EP400: variants seen among roughly 807,000 people sequenced by gnomAD.
The protein encoded by EP400 is E1A-binding protein p400.
Under a neutral mutation model 354.1 loss-of-function variants are expected in EP400, and 105 were observed. The observed-to-expected ratio is 0.30, with a 90% CI of 0.25 to 0.35. The LOEUF is 0.35. Among genes scored for constraint, EP400 ranks in the 10% least tolerant of loss-of-function variants. The pLI is 1.00. For synonymous variants in EP400, 1,646 were observed against 1,716.9 expected, an observed-to-expected ratio of 0.96 and a Z score of 1.02; for missense variants, 3,280 against 4,121.0, an observed-to-expected ratio of 0.80 and a Z score of 5.59.
intron 35 of EP400, 22 bp from the exon 36 acceptor site, chr12:132,044,649 G>A: frequency 1.9e-6 from 3 of 1,614,130 alleles, no homozygotes; most frequent in Non-Finnish European, 2.5e-6. Context: ...GTGGAAGTCA[G>A]AGCTTGCCGT....
In EP400 at chr12:132,029,659, T is replaced by C; in HGVS notation, c.5382-42T>C. 6.3e-7 allele frequency: 1 copy of C among 1,594,418 alleles called. No homozygotes were observed. Among genetic ancestry groups the C allele is most frequent in the South Asian group, 1.1e-5 (1 of 90,166 alleles). On this transcript the variant is annotated intron_variant, in intron 27 of 52. Coordinates refer to ENST00000389561, the MANE Select transcript of EP400 (RefSeq NM_015409.5). This position sits in a 1 kb window ranked among gnomAD's most constrained non-coding sequence, Gnocchi z 4.7. ...GGAGCCCCCATGCTGGGTGAAGGTG[T>C]GTGGCTCCTGGTGGTGACAAAACAT...
At position 132,052,746 on chromosome 12, in the gene EP400, C is replaced by T. The variant is rs570965711; in HGVS notation, c.7395-400C>T. Among the ~76,000 whole-genome samples, 60 of 152,098 alleles carry T rather than the reference C, an allele frequency of 3.9e-4. No individual in the cohort carries two copies. Among genetic ancestry groups the T allele is most frequent in the African/African-American group, 1.4e-3 (57 of 41,528 alleles). On this transcript the variant is annotated intron_variant, in intron 41 of 52. Coordinates refer to ENST00000389561, the MANE Select transcript of EP400 (RefSeq NM_015409.5). The surrounding 1 kb of genome is among the most constrained non-coding windows in gnomAD (Gnocchi z 4.4). Reference sequence around the variant, plus strand: ...TGGAGCCTGGGCATTCTCGGGGGAGCGAGAGAGGCACAGTCCCGCCCTCCC... The same window carrying T: ...TGGAGCCTGGGCATTCTCGGGGGAGTGAGAGAGGCACAGTCCCGCCCTCCC...
intron 5 of EP400, among the ~76,000 whole-genome samples, chr12:131,985,669 G>A (rs1002351889): frequency 6.6e-6 from 1 of 152,190 alleles, no homozygotes; most frequent in Admixed American, 6.5e-5. Flanking sequence ...GTAGAATGGC[G>A]CAATCTCAGC....
At position 132,013,206 on chromosome 12, in the gene EP400, G is replaced by A; in HGVS notation, c.3611+28G>A. ...CTGTGTGTTACGCGCTTGTCATTGA[G>A]TGTTCTTTGCTGTTGATGTAGAAGA... On this transcript the variant is annotated intron_variant, in intron 17 of 52. Transcript: ENST00000389561. The surrounding 1 kb of genome is among the most constrained non-coding windows in gnomAD (Gnocchi z 4.5). 6.3e-7 allele frequency: 1 copy of A among 1,586,446 alleles called. No homozygotes were observed. The highest frequency in any genetic ancestry group is 8.6e-7 in the Non-Finnish European group (1 of 1,162,104).
chr12:132,031,120 G>A (rs570821580), intron 29 of EP400: 15 of 435,572 alleles, frequency 3.4e-5, no homozygotes, highest in African/African-American at 1.6e-4. Flanking sequence ...ATTAGGTTTC[G>A]TTTCTGGCAC....
chr12:131,991,733 A>G (rs1893041773), intron 10 of EP400, among the ~76,000 whole-genome samples: 1 of 151,406 alleles, frequency 6.6e-6, no homozygotes, highest in African/African-American at 2.4e-5. Context: ...GGCGCACGCC[A>G]CCACACCTGG....
At chr12:132,043,588 A>G in intron 33 of EP400, 57 bp from the exon 34 acceptor site, 1 of 1,580,756 alleles carries the variant, frequency 6.3e-7, no homozygotes, top group Admixed American at 1.9e-5. Flanking sequence ...TGTATAAGGA[A>G]CTTGACTTTT....
At chr12:132,002,369 C>T (rs905136109) in intron 12 of EP400, among the ~76,000 whole-genome samples, 1 of 152,162 alleles carries the variant, frequency 6.6e-6, no homozygotes, top group Non-Finnish European at 1.5e-5. Flanking sequence ...TTCCTCTTCT[C>T]TGTTAGCTTT....
chr12:132,031,172 C>T, intron 29 of EP400: 1 of 486,924 alleles, frequency 2.1e-6, no homozygotes, highest in East Asian at 5.6e-5. Flanking sequence ...CATCTCCCTT[C>T]ATGGTCAACA....
Position 131,981,497 on chromosome 12 carries a change from A to G in EP400, c.1444A>G (p.Lys482Glu). 1 of 1,575,698 alleles carries G rather than the reference A, an allele frequency of 6.3e-7. No homozygotes were observed. The highest frequency in any genetic ancestry group is 8.6e-7 in the Non-Finnish European group (1 of 1,159,782). ...MPSTGMAEQSKRPRLEVGHQG... is the reference protein window; with the variant it reads ...MPSTGMAEQSERPRLEVGHQG... The stretch of plus-strand genomic sequence containing the variant: ...TTTGAAAATTATTCTAGAGCAGTCT[A>G]AGAGGCCTCGCCTTGAAGTGGGTCA... The change falls in exon 4 of 53, where the codon AAG becomes GAG. Residue 482 changes from lysine to glutamate, a missense_variant. Around this residue, in one of 20 missense-constraint regions of EP400, gnomAD observed 800 missense variants for 840.0 expected, o/e 0.95. Coordinates refer to ENST00000389561, the MANE Select transcript of EP400 (RefSeq NM_015409.5).
At position 132,034,902 on chromosome 12, in the gene EP400, CA is replaced by C. The variant is rs370736683; in HGVS notation, c.5951+2754del. ...GCCTGACCCACACAGACCCCAAAGT[CA>C]GGGGAGACAGGCACACAGCTGCAGT... On this transcript the variant is annotated intron_variant, in intron 30 of 52. Transcript: ENST00000389561. Among the ~76,000 whole-genome samples the C allele has an allele frequency of 5.6e-4, 86 of 152,240 alleles. 2 individuals carry two copies. The South Asian group carries it at 0.017, about 30-fold the overall frequency.
In EP400 at chr12:132,013,064, TC is replaced by T; in HGVS notation, c.3499del (p.Arg1167GlyfsTer22). 6.2e-7 allele frequency: 1 copy of T among 1,614,054 alleles called. No homozygotes were observed. Among genetic ancestry groups the T allele is most frequent in the Non-Finnish European group, 8.5e-7 (1 of 1,180,028 alleles). ...HVCITSYTQF[F>X]RGLTAFTRVR... ...TGCATCACGTCCTACACTCAGTTCT[TC>T]CGGGGCCTCACCGCCTTCACACGAG... On this transcript the variant is annotated frameshift_variant, in exon 17 of 53. Coordinates refer to ENST00000389561, the MANE Select transcript of EP400 (RefSeq NM_015409.5). LOFTEE classifies it high-confidence loss of function. This position sits in a 1 kb window ranked among gnomAD's most constrained non-coding sequence, Gnocchi z 4.5.
rs752450089 is a variant in EP400 at position 131,969,558 on chromosome 12, G to A, written c.1335+7604G>A. 4.6e-5 allele frequency among the ~76,000 whole-genome samples: 7 copies of A among 152,178 alleles called. No individual in the cohort carries two copies. In the East Asian group the frequency reaches 9.7e-4, roughly 21 times the overall value. ...TTCAAGCTGGCTGTAGTATACTTCC[G>A]ACATACCTCTCTTACTTCCGGAGGA... On this transcript the variant is annotated intron_variant, in intron 2 of 52. Transcript: ENST00000389561.
At chr12:132,071,839 A>G (rs1469802806) in intron 51 of EP400, among the ~76,000 whole-genome samples, 1 of 151,916 alleles carries the variant, frequency 6.6e-6, no homozygotes, top group Non-Finnish European at 1.5e-5. Flanking sequence ...CTGTATTATC[A>G]CCTTCAACAA....
chr12:132,079,430 C>T lies in EP400; in HGVS notation c.*1757C>T, dbSNP rs1245017357. The T allele has an allele frequency of 6.6e-6, 1 of 152,280 alleles. No individual in the cohort carries two copies. Among genetic ancestry groups the T allele is most frequent in the Non-Finnish European group, 1.5e-5 (1 of 68,050 alleles). The allele number at this position is 152,280 out of a possible 1,614,324, so 9.4% of individuals were successfully genotyped here. Reference sequence around the variant, plus strand: ...CTGTGTGCGCCTCACATCTGGCTCCCAGTGGAAACTTTTACTCCTCCTCAT... The same window carrying T: ...CTGTGTGCGCCTCACATCTGGCTCCTAGTGGAAACTTTTACTCCTCCTCAT... On this transcript the variant is annotated 3_prime_UTR_variant, in exon 53 of 53. Coordinates refer to ENST00000389561, the MANE Select transcript of EP400 (RefSeq NM_015409.5).
chr12:132,045,591 C>T, intron 38 of EP400, 31 bp downstream of exon 38: 1 of 1,610,320 alleles, frequency 6.2e-7, no homozygotes, highest in Non-Finnish European at 8.5e-7. Flanking sequence ...TGCCAGCGGT[C>T]ATGTGCGGTC....
At chr12:132,049,950 C>T (rs1057221057) in intron 39 of EP400, among the ~76,000 whole-genome samples, 6 of 152,198 alleles carry the variant, frequency 3.9e-5, no homozygotes, top group South Asian at 4.1e-4. Flanking sequence ...CGTGGCAGTC[C>T]GCGCTGCCCC....
Position 131,994,899 on chromosome 12 carries a change from G to A in EP400, c.2770G>A (p.Glu924Lys). ...DDEEETIEEE[E>K]ANEGVVDHQT... is the part of the protein sequence containing the mutation. ...TGAAGAGGAAACAATTGAAGAGGAG[G>A]AAGCAAATGAAGGCGTTGTGGACCA... Residue 924 changes from glutamate (E) to lysine (K), a missense_variant, in exon 12 of 53, where the codon GAA becomes AAA. By Grantham distance (56) the Glu-to-Lys change is moderately conservative. Around this residue, in one of 20 missense-constraint regions of EP400, gnomAD observed 800 missense variants for 840.0 expected, o/e 0.95. Transcript: ENST00000389561. The surrounding 1 kb of genome is among the most constrained non-coding windows in gnomAD (Gnocchi z 4.6). 1 of 1,614,146 alleles carries A rather than the reference G, an allele frequency of 6.2e-7. No homozygotes were observed. The highest frequency in any genetic ancestry group is 8.5e-7 in the Non-Finnish European group (1 of 1,179,988).
chr12:132,077,913 C>T lies in EP400; in HGVS notation c.*240C>T. ...ATGGAAAAAGTGACAACATGGCTTCCTCTAAATCATTTCACCTTTCAGTCC... is the reference window on the plus strand; with the variant it reads ...ATGGAAAAAGTGACAACATGGCTTCTTCTAAATCATTTCACCTTTCAGTCC... On this transcript the variant is annotated 3_prime_UTR_variant, in exon 53 of 53. Coordinates refer to ENST00000389561, the MANE Select transcript of EP400 (RefSeq NM_015409.5). 5.4e-6 allele frequency: 3 copies of T among 559,176 alleles called. No individual in the cohort carries two copies. The highest frequency in any genetic ancestry group is 6.2e-6 in the Non-Finnish European group (2 of 322,408). 34.6% of individuals were successfully genotyped at this position (559,176 alleles called of 1,614,324 possible).
Sources: allele counts gnomAD v4.1 joint callset (sites outside exome capture counted in the v4.1 genomes callset), GRCh38; gene constraint gnomAD v4.1.1; regional missense constraint gnomAD v4.1.1; non-coding constraint Gnocchi (gnomAD v3.1); transcripts MANE v1.5; gene names NCBI Gene and HGNC (gene_info 2026-07-23, HGNC 2026-07-21).